The following RABGAP1L variants were observed in gnomAD, a reference collection of about 807,000 sequenced individuals.
The protein encoded by RABGAP1L is RAB GTPase activating protein 1 like.
A neutral mutation model predicts 137.7 loss-of-function variants in RABGAP1L; 63 were observed. The observed-to-expected ratio is 0.46, with a 90% confidence interval of 0.37 to 0.56. The LOEUF is 0.56. Among genes scored for constraint, RABGAP1L ranks in the 20% least tolerant of loss-of-function variants. RABGAP1L has a pLI of 0.00. For synonymous variants in RABGAP1L, 431 were observed against 433.7 expected, an observed-to-expected ratio of 0.99 and a Z score of 0.08; for missense variants, 1,095 against 1,244.0, an observed-to-expected ratio of 0.88 and a Z score of 1.80.
At chr1:174,270,993 A>G (rs148493933) in intron 7 of RABGAP1L, among the ~76,000 whole-genome samples, 2 of 152,268 alleles carry the variant, frequency 1.3e-5, no homozygotes, top group East Asian at 1.9e-4. Flanking sequence ...GCAGTAGTAT[A>G]AGAAATAGTA....
chr1:174,888,649 C>A (rs1655583340), intron 19 of RABGAP1L, among the ~76,000 whole-genome samples: 3 of 152,112 alleles, frequency 2.0e-5, no homozygotes, highest in Non-Finnish European at 4.4e-5. Flanking sequence ...GTGTGCACCA[C>A]CACGCCCAGC....
chr1:174,965,456 A>G (rs116234661), intron 20 of RABGAP1L, among the ~76,000 whole-genome samples: 1,551 of 152,360 alleles, frequency 0.01, 25 homozygotes, highest in African/African-American at 0.036. Context: ...CATCAAAACC[A>G]AACTCTCTTC....
At chr1:174,324,942 A>G (rs1339901280) in intron 11 of RABGAP1L, among the ~76,000 whole-genome samples, 6 of 152,330 alleles carry the variant, frequency 3.9e-5, no homozygotes, top group Non-Finnish European at 8.8e-5. Context: ...ATTGTAGTGC[A>G]TTGAGGATTG....
chr1:174,945,198 C>A (rs1213359533), intron 19 of RABGAP1L, among the ~76,000 whole-genome samples: 3 of 152,194 alleles, frequency 2.0e-5, no homozygotes. Flanking sequence ...TTATTCTACT[C>A]CCTGGAATCA....
intron 13 of RABGAP1L, among the ~76,000 whole-genome samples, chr1:174,487,838 T>C (rs1399771627): frequency 6.6e-6 from 1 of 152,168 alleles, no homozygotes; most frequent in Non-Finnish European, 1.5e-5. Context: ...TAATATCTTA[T>C]AACCCATTAT....
chr1:174,191,375 T>TA (rs1480225868), intron 1 of RABGAP1L, among the ~76,000 whole-genome samples: 1 of 152,212 alleles, frequency 6.6e-6, no homozygotes, highest in Admixed American at 6.5e-5. Context: ...GTTTAGCACT[T>TA]ACTTTCTTTT....
At chr1:174,222,400 A>G (rs926053819) in intron 3 of RABGAP1L, among the ~76,000 whole-genome samples, 1 of 152,234 alleles carries the variant, frequency 6.6e-6, no homozygotes, top group Admixed American at 6.5e-5. Flanking sequence ...TGATGCATTT[A>G]TGTAGGGAAT....
chr1:174,610,353 A>G (rs1159285901), intron 13 of RABGAP1L, among the ~76,000 whole-genome samples: 21 of 151,092 alleles, frequency 1.4e-4, no homozygotes, highest in South Asian at 4.2e-4. Context: ...ATGATTTCCA[A>G]TTTCATCCAT....
intron 11 of RABGAP1L, among the ~76,000 whole-genome samples, chr1:174,340,349 C>G (rs1309893364): frequency 1.3e-5 from 2 of 152,078 alleles, no homozygotes; most frequent in Non-Finnish European, 2.9e-5. Context: ...TACATGTGCA[C>G]ATGATTTGCT....
At chr1:174,161,393 C>T (rs925384156) in intron 1 of RABGAP1L, among the ~76,000 whole-genome samples, 1 of 152,138 alleles carries the variant, frequency 6.6e-6, no homozygotes, top group African/African-American at 2.4e-5. Context: ...CAGGCATGCG[C>T]CGCCACGCCT....
intron 19 of RABGAP1L, among the ~76,000 whole-genome samples, chr1:174,912,825 ACTC>A (rs2149201610): frequency 6.6e-6 from 1 of 152,244 alleles, no homozygotes; most frequent in East Asian, 1.9e-4. Flanking sequence ...CATGTGATAT[ACTC>A]CTCATTAAGC....
At chr1:174,206,449 T>G (rs140989254) in intron 1 of RABGAP1L, among the ~76,000 whole-genome samples, 2 of 152,252 alleles carry the variant, frequency 1.3e-5, no homozygotes, top group East Asian at 3.9e-4. Flanking sequence ...GGTTGGCAAA[T>G]GTTGTTCTAT....
chr1:174,493,944 A>G (rs1009626392), intron 13 of RABGAP1L, among the ~76,000 whole-genome samples: 2 of 152,116 alleles, frequency 1.3e-5, no homozygotes, highest in Non-Finnish European at 2.9e-5. Context: ...ATTGTTTCAC[A>G]TTTATATTTG....
At chr1:174,861,430 A>G (rs777561308) in intron 19 of RABGAP1L, among the ~76,000 whole-genome samples, 19 of 152,274 alleles carry the variant, frequency 1.2e-4, no homozygotes, top group Admixed American at 8.5e-4. Flanking sequence ...GAGTGCAAAT[A>G]TCTCTTCGAG....
At chr1:174,231,399 T>C (rs1670637303) in intron 4 of RABGAP1L, 44 bp downstream of exon 4, 1 of 1,546,504 alleles carries the variant, frequency 6.5e-7, no homozygotes, top group African/African-American at 1.4e-5. Context: ...TTAAGTCTTT[T>C]GGGTGGTGGT....
At chr1:174,965,008 G>A (rs1433036484) in intron 20 of RABGAP1L, 4 of 1,406,532 alleles carry the variant, frequency 2.8e-6, no homozygotes, top group Non-Finnish European at 3.8e-6. Context: ...TTTAATCTAT[G>A]TATGTCTGTA....
chr1:174,496,237 G>C (rs993806488), intron 13 of RABGAP1L, among the ~76,000 whole-genome samples: 7 of 152,154 alleles, frequency 4.6e-5, no homozygotes, highest in African/African-American at 1.4e-4. Context: ...TGCCACATTA[G>C]AAGGAAAATC....
intron 17 of RABGAP1L, among the ~76,000 whole-genome samples, chr1:174,744,205 A>G (rs1683689472): frequency 1.3e-5 from 2 of 151,634 alleles, no homozygotes; most frequent in African/African-American, 4.8e-5. Context: ...TAGTTACTCC[A>G]TCAAGCACCA....
chr1:174,633,530 C>G (rs1272190137), intron 13 of RABGAP1L, among the ~76,000 whole-genome samples: 21 of 149,928 alleles, frequency 1.4e-4, no homozygotes, highest in Non-Finnish European at 2.7e-4. Context: ...TTGGAAAAAA[C>G]TACTTTAAAG....
Sources: gnomAD v4.1 joint callset for allele counts (sites outside exome capture counted in the v4.1 genomes callset) on GRCh38, gnomAD v4.1.1 for gene constraint, MANE v1.5 for transcripts, NCBI Gene and HGNC (gene_info 2026-07-23, HGNC 2026-07-21) for gene names.